Variants in RUNX1 observed in about 807,000 individuals in gnomAD.
RUNX1 encodes RUNX family transcription factor 1, also known as runt-related transcription factor 1.
In RUNX1, 19 loss-of-function variants were observed where a neutral mutation model predicts 42.8. That is an observed-to-expected ratio of 0.44 (90% CI 0.31 to 0.65). The LOEUF (loss-of-function observed/expected upper bound fraction) is 0.65, where lower values mean the gene tolerates loss of function less well. Ranked by LOEUF, RUNX1 falls within the 30% of genes least tolerant of loss-of-function variation. RUNX1 has a pLI of 0.07. For missense variants in RUNX1, 528 were observed against 672.0 expected, an observed-to-expected ratio of 0.79 and a Z score of 2.37; for synonymous variants, 271 against 289.4, an observed-to-expected ratio of 0.94 and a Z score of 0.64.
chr21:34,829,253 C>T (rs574223143), intron 7 of RUNX1, among the ~76,000 whole-genome samples: 1 of 152,340 alleles, frequency 6.6e-6, no homozygotes, highest in African/African-American at 2.4e-5. Context: ...CATGCTCCAA[C>T]TACAACTTTG....
chr21:34,794,178 C>T (rs1055164537), intron 8 of RUNX1, among the ~76,000 whole-genome samples: 1 of 151,912 alleles, frequency 6.6e-6, no homozygotes, highest in African/African-American at 2.4e-5. Flanking sequence ...ATATGTTATA[C>T]ATAATATATA....
rs1372466943 is a variant in RUNX1, at chr21:34,843,271, A to C, written c.614-8670T>G. Among the ~76,000 whole-genome samples the C allele has an allele frequency of 2.6e-5, 4 of 152,102 alleles. No homozygotes were observed. Among genetic ancestry groups the C allele is most frequent in the Non-Finnish European group, 5.9e-5 (4 of 68,016 alleles). On this transcript the variant is annotated intron_variant, in intron 6 of 8. Coordinates refer to ENST00000675419, the MANE Select transcript of RUNX1 (RefSeq NM_001754.5). This position sits in a 1 kb window ranked among gnomAD's most constrained non-coding sequence, Gnocchi z 4.8. ...CATATAAATACACACAGACACATGTACATACGTCACACAGACACATATATT... is the reference window on the plus strand; with the variant it reads ...CATATAAATACACACAGACACATGTCCATACGTCACACAGACACATATATT...
intron 5 of RUNX1, among the ~76,000 whole-genome samples, chr21:34,875,214 C>T (rs1037427742): frequency 2.6e-5 from 4 of 152,232 alleles, no homozygotes; most frequent in African/African-American, 9.6e-5. Flanking sequence ...TGGGCCACCC[C>T]AGGCTTTAAG....
Position 34,907,879 on chromosome 21 carries a change from G to C in RUNX1, c.59-14916C>G, listed in dbSNP as rs2058236544. On this transcript the variant is annotated intron_variant, in intron 2 of 8. Coordinates refer to ENST00000675419, the MANE Select transcript of RUNX1 (RefSeq NM_001754.5). This position sits in a 1 kb window ranked among gnomAD's most constrained non-coding sequence, Gnocchi z 5.3. ...GGGTCATTTTGTTTAGAGGTGAAAA[G>C]ATTCTTAGCAAACATTTTGTCCAAT... is the stretch of plus-strand genomic sequence containing the variant. Among the ~76,000 whole-genome samples, 1 of 152,206 alleles carries C rather than the reference G, an allele frequency of 6.6e-6. No homozygotes were observed. The highest frequency in any genetic ancestry group is 2.1e-4 in the South Asian group (1 of 4,834).
At chr21:34,853,028 T>C (rs969806171) in intron 6 of RUNX1, among the ~76,000 whole-genome samples, 5 of 152,134 alleles carry the variant, frequency 3.3e-5, no homozygotes, top group African/African-American at 1.2e-4. Context: ...ACGAAACCCT[T>C]TGTTAAAGGG....
At chr21:34,877,608 A>T (rs747451185) in intron 5 of RUNX1, among the ~76,000 whole-genome samples, 9 of 152,194 alleles carry the variant, frequency 5.9e-5, no homozygotes, top group African/African-American at 9.7e-5. Flanking sequence ...GGAAGAAAAG[A>T]GAGAAGGTTC....
intron 7 of RUNX1, among the ~76,000 whole-genome samples, chr21:34,811,981 C>T (rs2056764345): frequency 6.6e-6 from 1 of 150,820 alleles, no homozygotes; most frequent in East Asian, 2.0e-4. Context: ...CCGAGAAATG[C>T]CCCCAAGAAA....
At chr21:35,023,093 C>T (rs960430813) in intron 2 of RUNX1, among the ~76,000 whole-genome samples, 2 of 151,698 alleles carry the variant, frequency 1.3e-5, no homozygotes, top group Non-Finnish European at 2.9e-5. Context: ...CAGGTGTATG[C>T]CACCATTCCT....
intron 2 of RUNX1, among the ~76,000 whole-genome samples, chr21:34,990,567 A>G (rs1404508054): frequency 6.6e-6 from 1 of 152,164 alleles, no homozygotes; most frequent in Non-Finnish European, 1.5e-5. Flanking sequence ...TGCTGCTGTT[A>G]TATGATGAAC....
chr21:34,989,161 G>A (rs780910411), intron 2 of RUNX1, among the ~76,000 whole-genome samples: 2 of 151,878 alleles, frequency 1.3e-5, no homozygotes, highest in African/African-American at 4.8e-5. Flanking sequence ...GGCGCCCGCC[G>A]CCACACCCAG....
intron 5 of RUNX1, among the ~76,000 whole-genome samples, chr21:34,864,859 GT>G (rs963068902): frequency 1.3e-5 from 2 of 152,160 alleles, no homozygotes; most frequent in African/African-American, 4.8e-5. Context: ...TTGTCTTGAT[GT>G]AGGCTTGGAA....
chr21:34,792,265 C>G lies in RUNX1; in HGVS notation c.1313G>C (p.Gly438Ala), dbSNP rs2056450088. 6.5e-7 allele frequency: 1 copy of G among 1,537,908 alleles called. No individual in the cohort carries two copies. Among genetic ancestry groups the G allele is most frequent in the Non-Finnish European group, 8.7e-7 (1 of 1,145,944 alleles). The change falls in exon 9 of 9, where the codon GGC (glycine) becomes GCC (alanine). Residue 438 changes from glycine to alanine, a missense_variant. Physicochemically the swap from Gly to Ala is moderately conservative, Grantham distance 60. Transcript: ENST00000675419. This position sits in a 1 kb window ranked among gnomAD's most constrained non-coding sequence, Gnocchi z 6.9. ...ILPPCTNAST[G>A]SALLNPSLPN... ...GAGGCTGGGGTTGAGCAGCGCGGAG[C>G]CGGTGGAGGCGTTGGTGCAGGGCGG...
chr21:35,046,924 C>G (rs899262815), intron 2 of RUNX1, among the ~76,000 whole-genome samples: 2 of 152,146 alleles, frequency 1.3e-5, no homozygotes, highest in African/African-American at 4.8e-5. Context: ...CTAACCGACC[C>G]TTGTTCCTAA....
At chr21:34,932,645 T>C (rs1033326554) in intron 2 of RUNX1, among the ~76,000 whole-genome samples, 3 of 152,214 alleles carry the variant, frequency 2.0e-5, no homozygotes, top group Admixed American at 2.0e-4. Flanking sequence ...GACAATATTA[T>C]ACCCCTTCTA....
chr21:34,814,777 G>A (rs1305117525), intron 7 of RUNX1, among the ~76,000 whole-genome samples: 1 of 152,188 alleles, frequency 6.6e-6, no homozygotes, highest in East Asian at 1.9e-4. Flanking sequence ...CCTGCCACTG[G>A]ACTGCAGGCA....
intron 2 of RUNX1, among the ~76,000 whole-genome samples, chr21:34,938,520 CCTCCTCCTT>C (rs1483018442): frequency 1.3e-5 from 2 of 151,896 alleles, no homozygotes; most frequent in African/African-American, 2.4e-5. Context: ...TCCTCTTACA[CCTCCTCCTT>C]CTCCTCCTTC....
chr21:35,026,093 T>G (rs2059234335), intron 2 of RUNX1, among the ~76,000 whole-genome samples: 1 of 152,216 alleles, frequency 6.6e-6, no homozygotes, highest in Non-Finnish European at 1.5e-5. Flanking sequence ...ACAGGCATCA[T>G]CTTCTGTGAC....
At chr21:34,895,374 C>A (rs901089669) in intron 2 of RUNX1, among the ~76,000 whole-genome samples, 1 of 152,196 alleles carries the variant, frequency 6.6e-6, no homozygotes, top group African/African-American at 2.4e-5. Context: ...TGACAAACAC[C>A]AAACAGATGA....
intron 2 of RUNX1, among the ~76,000 whole-genome samples, chr21:35,044,734 C>T (rs976452873): frequency 2.0e-5 from 3 of 152,230 alleles, no homozygotes; most frequent in African/African-American, 7.2e-5. Flanking sequence ...AGCGGCTGTG[C>T]AGCCGTCCTC....
Sources: gnomAD v4.1 joint callset for allele counts (sites outside exome capture counted in the v4.1 genomes callset) on GRCh38, gnomAD v4.1.1 for gene constraint, Gnocchi (gnomAD v3.1) non-coding constraint, MANE v1.5 for transcripts, NCBI Gene and HGNC (gene_info 2026-07-23, HGNC 2026-07-21) for gene names.